GAP43: variants seen among roughly 807,000 people sequenced by gnomAD.
The protein encoded by GAP43 is neuromodulin.
In GAP43, 6 loss-of-function variants were observed where a neutral mutation model predicts 18.6. That is an observed-to-expected ratio of 0.32 (90% CI 0.18 to 0.64). The LOEUF (loss-of-function observed/expected upper bound fraction) is 0.64, where lower values mean the gene tolerates loss of function less well. Among genes scored for constraint, GAP43 ranks in the 30% least tolerant of loss-of-function variants. GAP43 has a pLI of 0.78. For synonymous variants in GAP43, 115 were observed against 111.4 expected, an observed-to-expected ratio of 1.03 and a Z score of -0.20; for missense variants, 292 against 295.5, an observed-to-expected ratio of 0.99 and a Z score of 0.09.
At chr3:115,624,499 C>A (rs1424212062) in intron 1 of GAP43, among the ~76,000 whole-genome samples, 3 of 152,038 alleles carry the variant, frequency 2.0e-5, no homozygotes, top group Non-Finnish European at 4.4e-5. Context: ...CAGGTCTTTT[C>A]TCTTATCCCC....
At chr3:115,705,643 A>C (rs1709353022) in intron 2 of GAP43, among the ~76,000 whole-genome samples, 1 of 152,184 alleles carries the variant, frequency 6.6e-6, no homozygotes, top group South Asian at 2.1e-4. Flanking sequence ...TAAAAAACCC[A>C]AACTTTTGAA....
At chr3:115,625,148 G>A (rs1708170691) in intron 1 of GAP43, among the ~76,000 whole-genome samples, 1 of 151,986 alleles carries the variant, frequency 6.6e-6, no homozygotes, top group Non-Finnish European at 1.5e-5. Flanking sequence ...AGGAGAAGGA[G>A]CAGGAAGAGG....
At chr3:115,625,519 C>T (rs893242688) in intron 1 of GAP43, among the ~76,000 whole-genome samples, 7 of 152,098 alleles carry the variant, frequency 4.6e-5, no homozygotes, top group African/African-American at 1.7e-4. Flanking sequence ...AGGTGGAGCA[C>T]TAAGTAAGCC....
intron 1 of GAP43, among the ~76,000 whole-genome samples, chr3:115,669,022 G>A (rs2107485439): frequency 6.6e-6 from 1 of 150,868 alleles, no homozygotes; most frequent in East Asian, 2.0e-4. Flanking sequence ...CTCCAGCCTG[G>A]GTGACAGAGA....
At chr3:115,634,161 G>A (rs1416832157) in intron 1 of GAP43, among the ~76,000 whole-genome samples, 1 of 152,024 alleles carries the variant, frequency 6.6e-6, no homozygotes, top group African/African-American at 2.4e-5. Flanking sequence ...AGCTAGATGA[G>A]GCAAAGAAAA....
intron 1 of GAP43, among the ~76,000 whole-genome samples, chr3:115,666,567 G>A (rs1462242925): frequency 1.3e-5 from 2 of 152,074 alleles, no homozygotes; most frequent in Non-Finnish European, 2.9e-5. Context: ...AAAGTGTCAG[G>A]GACTGTGCTG....
intron 2 of GAP43, among the ~76,000 whole-genome samples, chr3:115,685,104 A>G (rs1709016421): frequency 6.6e-6 from 1 of 152,212 alleles, no homozygotes; most frequent in African/African-American, 2.4e-5. Flanking sequence ...TGACCCAGGA[A>G]AATGAATACA....
intron 1 of GAP43, among the ~76,000 whole-genome samples, chr3:115,641,353 T>A (rs1471093946): frequency 6.6e-6 from 1 of 151,848 alleles, no homozygotes. Context: ...TGCGTGCACG[T>A]GTATGTGTGT....
chr3:115,692,880 A>G (rs1302478726), intron 2 of GAP43, among the ~76,000 whole-genome samples: 1 of 152,216 alleles, frequency 6.6e-6, no homozygotes, highest in African/African-American at 2.4e-5. Context: ...TTAACAATCT[A>G]CTTGTAGACT....
intron 1 of GAP43, among the ~76,000 whole-genome samples, chr3:115,658,187 A>C (rs9845362): frequency 1.3e-5 from 2 of 151,940 alleles, no homozygotes; most frequent in Non-Finnish European, 2.9e-5. Flanking sequence ...ACAAATCATC[A>C]GAGTTTAGAG....
chr3:115,683,060 T>C (rs1708975709), intron 2 of GAP43, among the ~76,000 whole-genome samples: 1 of 152,096 alleles, frequency 6.6e-6, no homozygotes, highest in South Asian at 2.1e-4. Context: ...TCTTAAAATA[T>C]AGACTATTAT....
chr3:115,651,050 T>G (rs1708514111), intron 1 of GAP43, among the ~76,000 whole-genome samples: 1 of 152,120 alleles, frequency 6.6e-6, no homozygotes, highest in Admixed American at 6.5e-5. Context: ...GAGGATTGTT[T>G]AAATCCAGGA....
chr3:115,703,795 C>T (rs565174470), intron 2 of GAP43, among the ~76,000 whole-genome samples: 75 of 152,172 alleles, frequency 4.9e-4, no homozygotes, highest in African/African-American at 1.7e-3. Context: ...TCTAAAAACA[C>T]GGACTCTCCG....
chr3:115,656,048 T>G (rs1708577600), intron 1 of GAP43, among the ~76,000 whole-genome samples: 1 of 152,182 alleles, frequency 6.6e-6, no homozygotes, highest in Admixed American at 6.5e-5. Flanking sequence ...CTCTGTGCCC[T>G]GGGGACATAA....
intron 1 of GAP43, among the ~76,000 whole-genome samples, chr3:115,632,568 C>T (rs560311097): frequency 6.6e-6 from 1 of 152,206 alleles, no homozygotes; most frequent in South Asian, 2.1e-4. Context: ...ACAGATTCTC[C>T]TATAAGCACA....
intron 1 of GAP43, among the ~76,000 whole-genome samples, chr3:115,656,707 A>G (rs552209917): frequency 5.3e-5 from 8 of 152,332 alleles, no homozygotes; most frequent in African/African-American, 1.9e-4. Flanking sequence ...AAAAGCAAGC[A>G]ATTTCCTAGT....
rs1311063650 is a variant in GAP43, at chr3:115,676,124, A to G, written c.142A>G (p.Arg48Gly). ...GGCTAGCTTCCGTGGACACATAACA[A>G]GGAAAAAGCTCAAAGGAGAGAAGAA... ...IQASFRGHIT[R>G]KKLKGEKKDD... The change falls in exon 2 of 3, where the codon AGG becomes GGG. Residue 48 changes from arginine (R) to glycine (G), a missense_variant. Coordinates refer to ENST00000305124, the MANE Select transcript of GAP43 (RefSeq NM_002045.4). 6.2e-7 allele frequency: 1 copy of G among 1,614,182 alleles called. No homozygotes were observed. The highest frequency in any genetic ancestry group is 8.5e-7 in the Non-Finnish European group (1 of 1,180,028).
chr3:115,686,027 T>A (rs1363359456), intron 2 of GAP43, among the ~76,000 whole-genome samples: 1 of 152,208 alleles, frequency 6.6e-6, no homozygotes, highest in African/African-American at 2.4e-5. Flanking sequence ...TTATTTGTAG[T>A]TTTTGCCAAT....
At chr3:115,690,150 G>A (rs1342433713) in intron 2 of GAP43, among the ~76,000 whole-genome samples, 1 of 152,222 alleles carries the variant, frequency 6.6e-6, no homozygotes, top group Non-Finnish European at 1.5e-5. Flanking sequence ...AGGGTTCCTT[G>A]ACAAATGGAT....
Sources: allele counts gnomAD v4.1 joint callset (sites outside exome capture counted in the v4.1 genomes callset), GRCh38; gene constraint gnomAD v4.1.1; transcripts MANE v1.5; gene names NCBI Gene and HGNC (gene_info 2026-07-23, HGNC 2026-07-21).